The following ZCCHC4 variants were observed in gnomAD, a reference collection of about 807,000 sequenced individuals.
ZCCHC4 encodes zinc finger CCHC-type containing 4.
A neutral mutation model predicts 67.7 loss-of-function variants in ZCCHC4; 54 were observed. That is an observed-to-expected ratio of 0.80 (90% confidence interval 0.64 to 1.00). The LOEUF (loss-of-function observed/expected upper bound fraction) is 1.00, where lower values mean the gene tolerates loss of function less well. Among genes scored for constraint, ZCCHC4 ranks in the 50% least tolerant of loss-of-function variants. The pLI is 0.00. For synonymous variants in ZCCHC4, 198 were observed against 213.5 expected, an observed-to-expected ratio of 0.93 and a Z score of 0.63; for missense variants, 609 against 617.0, an observed-to-expected ratio of 0.99 and a Z score of 0.14.
At chr4:25,313,437 G>A (rs567621474) in intron 1 of ZCCHC4, among the ~76,000 whole-genome samples, 2 of 152,258 alleles carry the variant, frequency 1.3e-5, no homozygotes, top group Non-Finnish European at 2.9e-5. Context: ...TCCCTTCCTT[G>A]TTTTAGTCTC....
intron 8 of ZCCHC4, chr4:25,352,123 A>G (rs1720328867): frequency 1.0e-6 from 1 of 986,604 alleles, no homozygotes; most frequent in African/African-American, 1.7e-5. Flanking sequence ...TGCCATGCAC[A>G]CTTTACTGCA....
rs985827827 is a variant in ZCCHC4, at chr4:25,351,626, C to T, written c.948C>T (p.Phe316=). Residue 316 remains phenylalanine (F), a synonymous_variant, in exon 8 of 13, where the codon TTC becomes TTT. Coordinates refer to ENST00000302874, the MANE Select transcript of ZCCHC4 (RefSeq NM_024936.3). The stretch of plus-strand genomic sequence containing the variant: ...AAGAACTACCCATTTTCTGGATTTT[C>T]CCCTATTTTTTTGAATCCCGAATTT... ...SHKELPIFWI[F]PYFFESRICQ... is the part of the protein sequence containing the mutation. The T allele has an allele frequency of 1.9e-6, 3 of 1,611,654 alleles. No homozygotes were observed. The highest frequency in any genetic ancestry group is 2.5e-6 in the Non-Finnish European group (3 of 1,179,012).
intron 3 of ZCCHC4, among the ~76,000 whole-genome samples, chr4:25,324,069 T>A (rs1434532869): frequency 5.4e-5 from 7 of 130,228 alleles, no homozygotes; most frequent in African/African-American, 2.0e-4. Flanking sequence ...TGGAGTGCAA[T>A]GGTGCAATCT....
chr4:25,349,926 C>T (rs1720208500), intron 7 of ZCCHC4, among the ~76,000 whole-genome samples: 1 of 152,100 alleles, frequency 6.6e-6, no homozygotes, highest in African/African-American at 2.4e-5. Flanking sequence ...TCATTCTATT[C>T]AGTAAATATT....
In ZCCHC4 at chr4:25,359,853, C is replaced by A. The variant is rs1272632677; in HGVS notation, c.1012-2006C>A. Among the ~76,000 whole-genome samples, 1 of 152,240 alleles carries A rather than the reference C, an allele frequency of 6.6e-6. No individual in the cohort carries two copies. Among genetic ancestry groups the A allele is most frequent in the African/African-American group, 2.4e-5 (1 of 41,470 alleles). ...AAGTCTTTTCTGTTTGATGAGGGAA[C>A]TGGCCGAGGTTTCCCTCCCGAGGAG... On this transcript the variant is annotated intron_variant, in intron 8 of 12. Transcript: ENST00000302874. This position sits in a 1 kb window ranked among gnomAD's most constrained non-coding sequence, Gnocchi z 4.9.
At position 25,362,304 on chromosome 4, in the gene ZCCHC4, A is replaced by G. The variant is rs769753706; in HGVS notation, c.1209+3A>G. The G allele has an allele frequency of 1.9e-6, 3 of 1,576,202 alleles. No homozygotes were observed. Among genetic ancestry groups the G allele is most frequent in the Admixed American group, 3.5e-5 (2 of 57,236 alleles). Reference sequence around the variant, plus strand: ...TCTGTAATTCTTGCACATCCAAGGTATGGTGTTCTTATAGAATGTATTTTT... The same window carrying G: ...TCTGTAATTCTTGCACATCCAAGGTGTGGTGTTCTTATAGAATGTATTTTT... On this transcript the variant is annotated splice_donor_region_variant and intron_variant, in intron 10 of 12. Coordinates refer to ENST00000302874, the MANE Select transcript of ZCCHC4 (RefSeq NM_024936.3).
intron 3 of ZCCHC4, among the ~76,000 whole-genome samples, chr4:25,324,014 G>GGTTTT (rs777768505): frequency 2.4e-5 from 2 of 82,448 alleles, no homozygotes; most frequent in African/African-American, 1.0e-4. Flanking sequence ...TGTTTTTTGT[G>GGTTTT]TTTTTTTTTT....
At chr4:25,362,424 TATTA>T (rs1720780759) in intron 10 of ZCCHC4, 123 bp downstream of exon 10, 4 of 547,536 alleles carry the variant, frequency 7.3e-6, no homozygotes, top group Non-Finnish European at 8.7e-6. Context: ...TATTATCATT[TATTA>T]ATTATGCTAT....
chr4:25,366,796 A>G (rs960590168), intron 12 of ZCCHC4, among the ~76,000 whole-genome samples: 1 of 152,070 alleles, frequency 6.6e-6, no homozygotes, highest in Non-Finnish European at 1.5e-5. Flanking sequence ...TTGATACTCT[A>G]TTGTAGGCCC....
chr4:25,325,408 C>A (rs1156506751), intron 3 of ZCCHC4, among the ~76,000 whole-genome samples: 7 of 148,686 alleles, frequency 4.7e-5, no homozygotes, highest in Non-Finnish European at 1.0e-4. Context: ...GCTGGGATTA[C>A]AGGCGTGTGC....
In ZCCHC4 at chr4:25,349,649, A is replaced by G; in HGVS notation, c.910+7A>G. On this transcript the variant is annotated splice_region_variant and intron_variant, in intron 7 of 12. Transcript: ENST00000302874. The stretch of plus-strand genomic sequence containing the variant: ...AAAGAAGGTCAAAGCCAAGGTGTAT[A>G]ATTTATTACTGCAAAATAAATACAT... 1 of 1,612,300 alleles carries G rather than the reference A, an allele frequency of 6.2e-7. No homozygotes were observed. Among genetic ancestry groups the G allele is most frequent in the Non-Finnish European group, 8.5e-7 (1 of 1,179,268 alleles).
chr4:25,322,892 A>G (rs1467346457), intron 3 of ZCCHC4, among the ~76,000 whole-genome samples: 1 of 152,214 alleles, frequency 6.6e-6, no homozygotes, highest in Non-Finnish European at 1.5e-5. Flanking sequence ...TATATATGGT[A>G]GTAGAATCAA....
chr4:25,328,369 AGCTGGGATCACAG>A (rs1361183649), intron 3 of ZCCHC4, among the ~76,000 whole-genome samples: 10 of 151,806 alleles, frequency 6.6e-5, no homozygotes, highest in African/African-American at 2.4e-4. Context: ...CCTCATGAGT[AGCTGGGATCACAG>A]GCACCCACCA....
In ZCCHC4 at chr4:25,348,442, G is replaced by T. The variant is rs188811170; in HGVS notation, c.760-1050G>T. On this transcript the variant is annotated intron_variant, in intron 6 of 12. Transcript: ENST00000302874. ...TGAGTACAGTCAGCTCTCCCCACTT[G>T]TGGGTTCTGCATCTGTGGATTCAAC... is the stretch of plus-strand genomic sequence containing the variant. Among the ~76,000 whole-genome samples the T allele has an allele frequency of 1.6e-4, 25 of 152,240 alleles. 1 individual carries two copies. In the East Asian group the frequency reaches 4.4e-3, roughly 27 times the overall value.
chr4:25,339,900 CT>C (rs1440982738), intron 5 of ZCCHC4, among the ~76,000 whole-genome samples: 1 of 148,258 alleles, frequency 6.7e-6, no homozygotes, highest in Non-Finnish European at 1.5e-5. Flanking sequence ...GAGACGGAGT[CT>C]TGCTGTCACC....
chr4:25,349,399 A>T, intron 6 of ZCCHC4, 93 bp from the exon 7 acceptor site: 1 of 1,269,134 alleles, frequency 7.9e-7, no homozygotes, highest in Non-Finnish European at 1.1e-6. Context: ...TTCCAGTATT[A>T]AGAGAGAGAC....
chr4:25,360,496 G>A (rs188819), intron 8 of ZCCHC4, among the ~76,000 whole-genome samples: 5 of 152,160 alleles, frequency 3.3e-5, no homozygotes, highest in South Asian at 2.1e-4. Flanking sequence ...ATATGCTGCC[G>A]TTCAGATTCA....
intron 5 of ZCCHC4, among the ~76,000 whole-genome samples, chr4:25,341,626 A>G (rs1166938441): frequency 1.3e-5 from 2 of 152,198 alleles, no homozygotes; most frequent in African/African-American, 4.8e-5. Flanking sequence ...TAAATTACCC[A>G]ATCTCAGGTA....
rs530372963 is a variant in ZCCHC4 at position 25,321,937 on chromosome 4, G to A, written c.329+6537G>A. Among the ~76,000 whole-genome samples the A allele has an allele frequency of 2.6e-4, 40 of 152,310 alleles. No individual in the cohort carries two copies. The South Asian group carries it at 8.3e-3, about 32-fold the overall frequency. On this transcript the variant is annotated intron_variant, in intron 3 of 12. Coordinates refer to ENST00000302874, the MANE Select transcript of ZCCHC4 (RefSeq NM_024936.3). The stretch of plus-strand genomic sequence containing the variant: ...GGTGATGGCAATTAACTCTCCACCT[G>A]TAGTTCCAGCCATGCACAACACTTG...
Sources: allele counts gnomAD v4.1 joint callset (sites outside exome capture counted in the v4.1 genomes callset), GRCh38; gene constraint gnomAD v4.1.1; non-coding constraint Gnocchi (gnomAD v3.1); transcripts MANE v1.5; gene names NCBI Gene and HGNC (gene_info 2026-07-23, HGNC 2026-07-21).